Variants in SENP8 observed in about 807,000 individuals in gnomAD.
The protein encoded by SENP8 is sentrin-specific protease 8.
In SENP8, 10 loss-of-function variants were observed where a neutral mutation model predicts 14.4. That is an observed-to-expected ratio of 0.69 (90% CI 0.43 to 1.18). The LOEUF is 1.18. Among genes scored for constraint, SENP8 ranks in the 50% most tolerant of loss-of-function variants. The probability of loss-of-function intolerance (pLI) is 0.00; values close to 1 mark genes in which losing one functional copy is unlikely to be tolerated. For missense variants in SENP8, 202 were observed against 249.4 expected (o/e 0.81, Z 1.28); for synonymous variants, 94 against 95.5 (o/e 0.98, Z 0.09).
At position 72,140,953 on chromosome 15, in the gene SENP8, T is replaced by C. The variant is rs1021460511; in HGVS notation, c.*691T>C. Reference sequence around the variant, plus strand: ...TCTTGAGTAACCTCATTAAAATTAATGTCTGGTGGACCTCTCAGTTTGCTC... The same window carrying C: ...TCTTGAGTAACCTCATTAAAATTAACGTCTGGTGGACCTCTCAGTTTGCTC... On this transcript the variant is annotated 3_prime_UTR_variant, in exon 2 of 2. Transcript: ENST00000340912. 6.0e-6 allele frequency: 1 copy of C among 167,144 alleles called. No individual in the cohort carries two copies. The highest frequency in any genetic ancestry group is 2.4e-5 in the African/African-American group (1 of 41,478). The allele number at this position is 167,144 out of a possible 1,614,324, so 10.4% of individuals were successfully genotyped here.
At chr15:72,116,702 G>A (rs1432481189), upstream of SENP8, 1 of 152,176 alleles carries the variant, frequency 6.6e-6, no homozygotes, top group African/African-American at 2.4e-5. Context: ...CAATCGACAA[G>A]GAGGTGAAGT....
At position 72,126,094 on chromosome 15, in the gene SENP8, A is replaced by C. The variant is rs1468418243; in HGVS notation, c.-48+7630A>C. On this transcript the variant is annotated intron_variant, in intron 1 of 1. Coordinates refer to ENST00000340912, the MANE Select transcript of SENP8 (RefSeq NM_145204.4). The stretch of plus-strand genomic sequence containing the variant: ...TGCCTTAGCCTCCCAAAGTGCTGGG[A>C]TTACAGGTGTGAGCTATTTTTTTTA... 2.0e-5 allele frequency among the ~76,000 whole-genome samples: 3 copies of C among 152,198 alleles called. No individual in the cohort carries two copies. In the East Asian group the frequency reaches 5.8e-4, roughly 29 times the overall value.
intron 1 of SENP8, among the ~76,000 whole-genome samples, chr15:72,125,736 C>T (rs908246821): frequency 6.6e-6 from 1 of 151,964 alleles, no homozygotes; most frequent in Admixed American, 6.6e-5. Flanking sequence ...TCTCGTTAGC[C>T]TCTAGTGTGT....
At chr15:72,122,703 G>A (rs2081179738) in intron 1 of SENP8, among the ~76,000 whole-genome samples, 1 of 152,214 alleles carries the variant, frequency 6.6e-6, no homozygotes, top group Non-Finnish European at 1.5e-5. Flanking sequence ...TGCAGAACTT[G>A]AGGTTCAGCT....
intron 1 of SENP8, among the ~76,000 whole-genome samples, chr15:72,134,165 C>T (rs748753782): frequency 1.3e-5 from 2 of 152,108 alleles, no homozygotes; most frequent in South Asian, 2.1e-4. Flanking sequence ...GGGCTGGTCT[C>T]GAACTCCTAA....
In SENP8 at chr15:72,140,022, A is replaced by G. The variant is rs753553650; in HGVS notation, c.399A>G (p.Ala133=). Residue 133 remains alanine (A), a synonymous_variant, in exon 2 of 2, where the codon GCA becomes GCG. Coordinates refer to ENST00000340912, the MANE Select transcript of SENP8 (RefSeq NM_145204.4). Reference sequence around the variant, plus strand: ...ACTCAGTTCACGCAAAGCAGGTAGCAGAGAAACTGGAGGCTTTCTTAGGCA... The same window carrying G: ...ACTCAGTTCACGCAAAGCAGGTAGCGGAGAAACTGGAGGCTTTCTTAGGCA... The part of the protein sequence containing the change: ...RSNSVHAKQV[A]EKLEAFLGRK... 8 of 1,614,228 alleles carry G rather than the reference A, an allele frequency of 5.0e-6. No homozygotes were observed. The highest frequency in any genetic ancestry group is 1.3e-5 in the African/African-American group (1 of 75,074).
At chr15:72,137,633 G>A (rs938750838) in intron 1 of SENP8, among the ~76,000 whole-genome samples, 20 of 152,178 alleles carry the variant, frequency 1.3e-4, no homozygotes, top group African/African-American at 2.2e-4. Context: ...TCACTGTCAC[G>A]TTCCATTATG....
intron 1 of SENP8, among the ~76,000 whole-genome samples, chr15:72,135,843 G>A (rs745348289): frequency 6.6e-6 from 1 of 152,186 alleles, no homozygotes; most frequent in Non-Finnish European, 1.5e-5. Flanking sequence ...CTTCTTGCAG[G>A]TTCCTTTCCC....
intron 1 of SENP8, among the ~76,000 whole-genome samples, chr15:72,125,280 C>T (rs898745092): frequency 6.6e-6 from 1 of 152,164 alleles, no homozygotes; most frequent in Admixed American, 6.5e-5. Flanking sequence ...CCCATAATCT[C>T]TCAGCAATGC....
At chr15:72,138,822 G>A (rs948092280) in intron 1 of SENP8, among the ~76,000 whole-genome samples, 2 of 151,280 alleles carry the variant, frequency 1.3e-5, no homozygotes, top group African/African-American at 2.4e-5. Flanking sequence ...AAAATTAGCC[G>A]GGCATGGTGG....
At chr15:72,118,826 A>G (rs917638781) in intron 1 of SENP8, among the ~76,000 whole-genome samples, 1 of 152,178 alleles carries the variant, frequency 6.6e-6, no homozygotes, top group Non-Finnish European at 1.5e-5. Flanking sequence ...AGAAAAATGC[A>G]CGGGATGCTG....
intron 1 of SENP8, among the ~76,000 whole-genome samples, chr15:72,124,194 G>C (rs2081192609): frequency 6.6e-6 from 1 of 152,144 alleles, no homozygotes; most frequent in Non-Finnish European, 1.5e-5. Flanking sequence ...GTGTTTTCCT[G>C]AGTTTTTCAA....
At chr15:72,119,772 G>T (rs922096438) in intron 1 of SENP8, among the ~76,000 whole-genome samples, 1 of 152,138 alleles carries the variant, frequency 6.6e-6, no homozygotes, top group Non-Finnish European at 1.5e-5. Flanking sequence ...AAAGATGGAG[G>T]TCATTTAACT....
At chr15:72,123,596 A>G (rs2081186805) in intron 1 of SENP8, among the ~76,000 whole-genome samples, 3 of 149,978 alleles carry the variant, frequency 2.0e-5, no homozygotes, top group African/African-American at 7.4e-5. Flanking sequence ...GCTGGAGTGC[A>G]GTGGCGTGCT....
rs1221560226 is a variant in SENP8 at position 72,142,793 on chromosome 15, T to C, written c.*2531T>C. ...ACCAGATCAGATAAAGTGGATTATG[T>C]TTCTGATATGTACCTAATTATTTTG... On this transcript the variant is annotated 3_prime_UTR_variant, in exon 2 of 2. Transcript: ENST00000340912. 6.6e-6 allele frequency: 1 copy of C among 152,240 alleles called. No homozygotes were observed. Among genetic ancestry groups the C allele is most frequent in the African/African-American group, 2.4e-5 (1 of 41,466 alleles). The allele number at this position is 152,240 out of a possible 1,614,324, so 9.4% of individuals were successfully genotyped here.
chr15:72,135,694 C>A (rs2081321309), intron 1 of SENP8, among the ~76,000 whole-genome samples: 1 of 152,164 alleles, frequency 6.6e-6, no homozygotes, highest in South Asian at 2.1e-4. Context: ...AGAATTAAGG[C>A]CTTGATTAAC....
At chr15:72,134,716 C>A in intron 1 of SENP8, 1 of 219,618 alleles carries the variant, frequency 4.6e-6, no homozygotes, top group South Asian at 7.7e-5. Flanking sequence ...TGGAGTTGTT[C>A]CTTTGGCCAT....
upstream of SENP8, among the ~76,000 whole-genome samples, chr15:72,116,224 G>A (rs1258220559): frequency 6.6e-6 from 1 of 152,014 alleles, no homozygotes; most frequent in Non-Finnish European, 1.5e-5. Context: ...CGAAACTTTT[G>A]GCTTTTACGT....
Position 72,141,739 on chromosome 15 carries a change from T to G in SENP8, c.*1477T>G, listed in dbSNP as rs1293688210. On this transcript the variant is annotated 3_prime_UTR_variant, in exon 2 of 2. Coordinates refer to ENST00000340912, the MANE Select transcript of SENP8 (RefSeq NM_145204.4). ...AAAGCTATCAAAAAAAGTTTCCATTTCAAGTCGGTACATTTTGGATAAAAA... is the reference window on the plus strand; with the variant it reads ...AAAGCTATCAAAAAAAGTTTCCATTGCAAGTCGGTACATTTTGGATAAAAA... The G allele has an allele frequency of 3.3e-5, 5 of 152,362 alleles. No individual in the cohort carries two copies. In the East Asian group the frequency reaches 5.8e-4, roughly 18 times the overall value. 9.4% of individuals were successfully genotyped at this position (152,362 alleles called of 1,614,324 possible). A position where few individuals can be genotyped will look rare whatever the true frequency, so the allele number is the denominator to read the frequency against.
Sources: allele counts gnomAD v4.1 joint callset (sites outside exome capture counted in the v4.1 genomes callset), GRCh38; gene constraint gnomAD v4.1.1; transcripts MANE v1.5; gene names NCBI Gene and HGNC (gene_info 2026-07-23, HGNC 2026-07-21).